AFAP1L1: variants seen among roughly 807,000 people sequenced by gnomAD.
AFAP1L1 encodes the protein actin filament-associated protein 1-like 1.
In AFAP1L1, 77 loss-of-function variants were observed where a neutral mutation model predicts 99.8. That is an observed-to-expected ratio of 0.77 (90% CI 0.64 to 0.93). The LOEUF (loss-of-function observed/expected upper bound fraction) is 0.93. Ranked by LOEUF, AFAP1L1 falls within the 40% of genes least tolerant of loss-of-function variation. The pLI is 0.00. For synonymous variants in AFAP1L1, 373 were observed against 395.3 expected (o/e 0.94, Z 0.67); for missense variants, 893 against 996.8 (o/e 0.90, Z 1.40).
At chr5:149,274,128 G>C (rs937283506) in intron 1 of AFAP1L1, among the ~76,000 whole-genome samples, 1 of 152,096 alleles carries the variant, frequency 6.6e-6, no homozygotes, top group African/African-American at 2.4e-5. Flanking sequence ...CAACTTTATA[G>C]ACATAGTTAT....
chr5:149,335,547 AG>A, intron 17 of AFAP1L1, 46 bp from the exon 18 acceptor site: 1 of 1,594,654 alleles, frequency 6.3e-7, no homozygotes, highest in Non-Finnish European at 8.5e-7. Context: ...GTGTGTAGGT[AG>A]CCATCACCAG....
chr5:149,340,017 T>G lies in AFAP1L1; in HGVS notation c.2294T>G (p.Met765Arg). The change falls in exon 19 of 19, where the codon ATG (methionine) becomes AGG (arginine). Residue 765 changes from methionine (M) to arginine (R), a missense_variant. Physicochemically the swap from Met to Arg is moderately conservative, Grantham distance 91. Transcript: ENST00000296721. Reference protein sequence around the residue: ...RVLQKAKEWEMKKT With the variant: ...RVLQKAKEWERKKT ...CTTTCTGTGCTTCAGGAATGGGAAA[T>G]GAAGAAGACCTAGGAAGAGGATGAG... 6.2e-7 allele frequency: 1 copy of G among 1,613,996 alleles called. No individual in the cohort carries two copies. Among genetic ancestry groups the G allele is most frequent in the East Asian group, 2.2e-5 (1 of 44,870 alleles).
At chr5:149,312,483 G>A in intron 9 of AFAP1L1, 1 of 479,724 alleles carries the variant, frequency 2.1e-6, no homozygotes, top group Non-Finnish European at 3.8e-6. Context: ...ATTGTGCCAT[G>A]AAAAATAAGT....
At chr5:149,316,392 A>G (rs1477632717) in intron 11 of AFAP1L1, 89 bp downstream of exon 11, 12 of 1,492,064 alleles carry the variant, frequency 8.0e-6, no homozygotes, top group African/African-American at 4.2e-5. Context: ...TGCCTCGTCC[A>G]CCTCACCCCC....
chr5:149,312,118 C>A lies in AFAP1L1; in HGVS notation c.934C>A (p.Arg312=). 1 of 1,613,420 alleles carries A rather than the reference C, an allele frequency of 6.2e-7. No individual in the cohort carries two copies. Among genetic ancestry groups the A allele is most frequent in the South Asian group, 1.1e-5 (1 of 91,014 alleles). Residue 312 remains arginine, a synonymous_variant, in exon 9 of 19, where the codon CGA becomes AGA. Transcript: ENST00000296721. The part of the protein sequence containing the change: ...EQAEEWLKVI[R]EVSKPVGGAE... ...CTGTGTGTCCTCTTCACAGGTCATC[C>A]GAGAAGTGAGCAAGCCAGTTGGGGG...
At chr5:149,326,384 C>T (rs1402569536) in intron 15 of AFAP1L1, among the ~76,000 whole-genome samples, 1 of 151,588 alleles carries the variant, frequency 6.6e-6, no homozygotes, top group Non-Finnish European at 1.5e-5. Flanking sequence ...ACTAAAAATA[C>T]AAAAATTAGC....
At chr5:149,331,312 GA>G (rs1449805731) in intron 16 of AFAP1L1, among the ~76,000 whole-genome samples, 1 of 152,034 alleles carries the variant, frequency 6.6e-6, no homozygotes, top group East Asian at 1.9e-4. Context: ...AATTTTTAAA[GA>G]AAATTTAAAA....
chr5:149,300,456 C>A, intron 3 of AFAP1L1, 102 bp downstream of exon 3: 1 of 1,010,022 alleles, frequency 9.9e-7, no homozygotes, highest in Non-Finnish European at 1.5e-6. Context: ...AACATCGCAT[C>A]ATTAAGTCGC....
chr5:149,312,264 A>C, intron 9 of AFAP1L1, 60 bp downstream of exon 9: 131 of 1,535,570 alleles, frequency 8.5e-5, no homozygotes, highest in Non-Finnish European at 1.1e-4. Flanking sequence ...ACACGGGCTC[A>C]ACCCCAGGGG....
chr5:149,323,442 T>C (rs1378296746), intron 15 of AFAP1L1, among the ~76,000 whole-genome samples: 1 of 152,264 alleles, frequency 6.6e-6, no homozygotes, highest in Non-Finnish European at 1.5e-5. Context: ...TGCTTCTGTG[T>C]GATTTATCTT....
chr5:149,316,313 G>A lies in AFAP1L1; in HGVS notation c.1267+10G>A, dbSNP rs766251670. The A allele has an allele frequency of 6.2e-7, 1 of 1,612,072 alleles. No individual in the cohort carries two copies. Among genetic ancestry groups the A allele is most frequent in the African/African-American group, 1.3e-5 (1 of 74,882 alleles). ...GAGGTTCCCTGCTGTGGTGGGTCCAGGGCACGGGGAGGAAGGGTGCTCAGG... is the reference window on the plus strand; with the variant it reads ...GAGGTTCCCTGCTGTGGTGGGTCCAAGGCACGGGGAGGAAGGGTGCTCAGG... On this transcript the variant is annotated intron_variant, in intron 11 of 18. Coordinates refer to ENST00000296721, the MANE Select transcript of AFAP1L1 (RefSeq NM_152406.4).
intron 1 of AFAP1L1, among the ~76,000 whole-genome samples, chr5:149,283,682 T>G (rs1755591160): frequency 6.6e-6 from 1 of 152,238 alleles, no homozygotes; most frequent in Non-Finnish European, 1.5e-5. Context: ...GGAACCAGAT[T>G]TATTCATTTG....
chr5:149,299,665 A>T, intron 2 of AFAP1L1, 28 bp downstream of exon 2: 1 of 1,613,680 alleles, frequency 6.2e-7, no homozygotes, highest in Non-Finnish European at 8.5e-7. Context: ...TGCCTGGAGG[A>T]GCTCCACTTA....
chr5:149,332,838 C>T lies in AFAP1L1; in HGVS notation c.2119C>T (p.Leu707=). The T allele has an allele frequency of 6.2e-7, 1 of 1,609,542 alleles. No homozygotes were observed. The highest frequency in any genetic ancestry group is 1.7e-5 in the Admixed American group (1 of 59,318). ...GCAGTCCCTGGCAGGAGGGCCAGCC[C>T]TGGGGCTCTCCGTGAGCAGCAAGCC... is the stretch of plus-strand genomic sequence containing the variant. The part of the protein sequence containing the change: ...LQQSLAGGPA[L]GLSVSSKPKS... The change falls in exon 17 of 19, where the codon CTG becomes TTG. Residue 707 remains leucine (L), a synonymous_variant. Transcript: ENST00000296721.
intron 15 of AFAP1L1, among the ~76,000 whole-genome samples, chr5:149,328,437 C>T (rs1438734689): frequency 6.6e-6 from 1 of 152,172 alleles, no homozygotes; most frequent in African/African-American, 2.4e-5. Context: ...GGTTTAACCT[C>T]GGCTCTGCCA....
chr5:149,307,688 G>A, intron 7 of AFAP1L1, 75 bp downstream of exon 7: 2 of 1,469,312 alleles, frequency 1.4e-6, no homozygotes. Flanking sequence ...CATACATGTG[G>A]ATATGTCTGC....
At chr5:149,329,609 A>C in intron 15 of AFAP1L1, 57 bp from the exon 16 acceptor site, 7 of 1,524,970 alleles carry the variant, frequency 4.6e-6, no homozygotes, top group Non-Finnish European at 5.3e-6. Flanking sequence ...GACACCACAC[A>C]AGTACCTTTG....
chr5:149,284,224 A>C (rs1755610020), intron 1 of AFAP1L1, among the ~76,000 whole-genome samples: 1 of 152,174 alleles, frequency 6.6e-6, no homozygotes, highest in African/African-American at 2.4e-5. Flanking sequence ...CCAGTCGCTT[A>C]CTGGGTGTGT....
intron 1 of AFAP1L1, among the ~76,000 whole-genome samples, chr5:149,283,453 A>C (rs879270395): frequency 3.9e-5 from 6 of 152,238 alleles, no homozygotes; most frequent in Non-Finnish European, 5.9e-5. Flanking sequence ...AAAGAAGAAA[A>C]TCAAAATTAA....
Sources: allele counts gnomAD v4.1 joint callset (sites outside exome capture counted in the v4.1 genomes callset), GRCh38; gene constraint gnomAD v4.1.1; transcripts MANE v1.5; gene names NCBI Gene and HGNC (gene_info 2026-07-23, HGNC 2026-07-21).